GLI2: variants seen among roughly 807,000 people sequenced by gnomAD.
The protein encoded by GLI2 is GLI family zinc finger 2.
In GLI2, 22 loss-of-function variants were observed where a neutral mutation model predicts 78.9. That is an observed-to-expected ratio of 0.28 (90% confidence interval 0.20 to 0.40). The LOEUF (loss-of-function observed/expected upper bound fraction) is 0.40. GLI2 is among the 10% of genes least tolerant of loss of function. The probability of loss-of-function intolerance (pLI) is 1.00; values close to 1 mark genes in which losing one functional copy is unlikely to be tolerated. For synonymous variants in GLI2, 974 were observed against 963.7 expected, an observed-to-expected ratio of 1.01 and a Z score of -0.20; for missense variants, 2,097 against 2,213.2, an observed-to-expected ratio of 0.95 and a Z score of 1.05.
chr2:120,865,632 A>T (rs1688093549), intron 2 of GLI2, among the ~76,000 whole-genome samples: 1 of 152,078 alleles, frequency 6.6e-6, no homozygotes, highest in South Asian at 2.1e-4. Flanking sequence ...ACCGGGACAA[A>T]CCTCTGATCC....
intron 1 of GLI2, among the ~76,000 whole-genome samples, chr2:120,787,077 C>G (rs1347304433): frequency 6.6e-6 from 1 of 152,220 alleles, no homozygotes; most frequent in Non-Finnish European, 1.5e-5. Flanking sequence ...AGATAGGAGC[C>G]TTGACCTTGG....
At chr2:120,985,627 A>G (rs1296642624) in intron 12 of GLI2, among the ~76,000 whole-genome samples, 2 of 152,186 alleles carry the variant, frequency 1.3e-5, no homozygotes, top group African/African-American at 4.8e-5. Context: ...ATGAGCCCAG[A>G]GGTGGTGGTG....
intron 2 of GLI2, among the ~76,000 whole-genome samples, chr2:120,914,147 G>A (rs1045555679): frequency 3.9e-5 from 6 of 152,244 alleles, no homozygotes; most frequent in Admixed American, 6.5e-5. Flanking sequence ...GCTTCTTGCC[G>A]GGGACCAGTC....
intron 3 of GLI2, among the ~76,000 whole-genome samples, chr2:120,946,107 C>G (rs1680699212): frequency 6.6e-6 from 1 of 152,192 alleles, no homozygotes; most frequent in African/African-American, 2.4e-5. Context: ...CTCTGAGAAG[C>G]CTTCCTGCAC....
At chr2:120,773,522 C>T (rs1211588330) in intron 1 of GLI2, among the ~76,000 whole-genome samples, 1 of 152,208 alleles carries the variant, frequency 6.6e-6, no homozygotes, top group Non-Finnish European at 1.5e-5. Flanking sequence ...CATGCCGGCC[C>T]CTGATGCTGT....
chr2:120,991,019 C>G lies in GLI2; in HGVS notation c.*344C>G, dbSNP rs1478545557. 1 of 261,080 alleles carries G rather than the reference C, an allele frequency of 3.8e-6. No individual in the cohort carries two copies. Among genetic ancestry groups the G allele is most frequent in the Non-Finnish European group, 7.3e-6 (1 of 136,718 alleles). The allele number at this position is 261,080 out of a possible 1,614,324, so 16.2% of individuals were successfully genotyped here. ...AACGAGGGATTACTTTGGCCAAAAC[C>G]TTTCAAAGGATATGCAGAAAGATGG... On this transcript the variant is annotated 3_prime_UTR_variant, in exon 14 of 14. Coordinates refer to ENST00000361492, the MANE Select transcript of GLI2 (RefSeq NM_001374353.1).
chr2:120,815,302 G>A (rs548291215), intron 2 of GLI2, among the ~76,000 whole-genome samples: 93 of 152,242 alleles, frequency 6.1e-4, no homozygotes, highest in African/African-American at 2.1e-3. Flanking sequence ...CAGTGAAGCC[G>A]GGGAGAGAAA....
At position 120,988,244 on chromosome 2, in the gene GLI2, G is replaced by T; in HGVS notation, c.2279G>T (p.Gly760Val). The T allele has an allele frequency of 6.3e-7, 1 of 1,577,038 alleles. No individual in the cohort carries two copies. Reference sequence around the variant, plus strand: ...GAAAACTTCAGTGGCAGTGGGGGCGGCGGGCCCGCGGGGCTGCTGCCGAAC... The same window carrying T: ...GAAAACTTCAGTGGCAGTGGGGGCGTCGGGCCCGCGGGGCTGCTGCCGAAC... ...ILENFSGSGG[G>V]GPAGLLPNPR... Residue 760 changes from glycine to valine, a missense_variant, in exon 14 of 14, where the codon GGC (glycine) becomes GTC (valine). By Grantham distance (109) the Gly-to-Val change is moderately radical (BLOSUM62 -3). This residue lies in a region of GLI2 where 1,290 missense variants were observed against 1,261.7 expected (regional missense o/e 1.02). Coordinates refer to ENST00000361492, the MANE Select transcript of GLI2 (RefSeq NM_001374353.1).
chr2:120,955,152 CCTTTTTTT>C lies in GLI2; in HGVS notation c.458-92_458-85del, dbSNP rs1211887008. 6.8e-3 allele frequency: 2,066 copies of C among 303,878 alleles called. 29 individuals are homozygous for C. Among genetic ancestry groups the C allele is most frequent in the Middle Eastern group, 0.013 (15 of 1,130 alleles). 18.8% of individuals were successfully genotyped at this position (303,878 alleles called of 1,614,324 possible). A position where few individuals can be genotyped will look rare whatever the true frequency, so the allele number is the denominator to read the frequency against. On this transcript the variant is annotated intron_variant, in intron 4 of 13. Coordinates refer to ENST00000361492, the MANE Select transcript of GLI2 (RefSeq NM_001374353.1). Reference sequence around the variant, plus strand: ...GACACCAGGTGTGCATTTCTCTCTGCCTTTTTTTTTTTTTTTTTTTTTTTTTTTTGGCA... The same window carrying C: ...GACACCAGGTGTGCATTTCTCTCTGCTTTTTTTTTTTTTTTTTTTTTGGCA...
At chr2:120,943,697 C>A (rs114533914) in intron 3 of GLI2, among the ~76,000 whole-genome samples, 1 of 152,140 alleles carries the variant, frequency 6.6e-6, no homozygotes, top group African/African-American at 2.4e-5. Flanking sequence ...CTGGCCCCAG[C>A]CACCAGCACA....
Position 120,927,442 on chromosome 2 carries a change from C to T in GLI2, c.230C>T (p.Pro77Leu), listed in dbSNP as rs767419996. 3.7e-6 allele frequency: 6 copies of T among 1,613,226 alleles called. No homozygotes were observed. The South Asian group carries it at 6.6e-5, about 18-fold the overall frequency. ...RHQEGRYHYE[P>L]HSVHGVHGPP... ...CAGGAAGGAAGGTACCATTACGAGC[C>T]TCATTCTGTCCACGGTGTGCACGGG... The change falls in exon 3 of 14, where the codon CCT (proline) becomes CTT (leucine). Residue 77 changes from proline to leucine, a missense_variant. Physicochemically the swap from Pro to Leu is moderately conservative, Grantham distance 98. Coordinates refer to ENST00000361492, the MANE Select transcript of GLI2 (RefSeq NM_001374353.1).
intron 2 of GLI2, among the ~76,000 whole-genome samples, chr2:120,810,575 A>G (rs867005702): frequency 1.3e-5 from 2 of 152,246 alleles, no homozygotes; most frequent in Middle Eastern, 6.8e-3. Flanking sequence ...GATATAGAGG[A>G]TGGGCAGGCT....
intron 2 of GLI2, among the ~76,000 whole-genome samples, chr2:120,879,652 G>C (rs184044706): frequency 6.6e-6 from 1 of 152,194 alleles, no homozygotes; most frequent in Non-Finnish European, 1.5e-5. Flanking sequence ...GCCCCACCAC[G>C]GGCTGGATGC....
chr2:120,987,071 G>A (rs1683014743), intron 13 of GLI2, among the ~76,000 whole-genome samples: 2 of 152,254 alleles, frequency 1.3e-5, no homozygotes, highest in African/African-American at 4.8e-5. Context: ...GCTTAGGGTA[G>A]AGCTGTGCAG....
At chr2:120,917,402 G>A (rs950117380) in intron 2 of GLI2, among the ~76,000 whole-genome samples, 14 of 152,222 alleles carry the variant, frequency 9.2e-5, no homozygotes, top group Admixed American at 2.6e-4. Context: ...CCAGGGCCCC[G>A]AGATGGCACA....
At chr2:120,967,791 C>T (rs536653174) in intron 5 of GLI2, among the ~76,000 whole-genome samples, 2 of 152,348 alleles carry the variant, frequency 1.3e-5, no homozygotes, top group South Asian at 2.1e-4. Context: ...GAGCCTCGGG[C>T]GACTTTAGAA....
At chr2:120,811,198 T>C (rs1252244601) in intron 2 of GLI2, among the ~76,000 whole-genome samples, 1 of 152,182 alleles carries the variant, frequency 6.6e-6, no homozygotes, top group African/African-American at 2.4e-5. Flanking sequence ...TGAAGCCAGA[T>C]GGCAGGAGGA....
chr2:120,988,461 G>T lies in GLI2; in HGVS notation c.2496G>T (p.Ala832=), dbSNP rs764746942. Residue 832 remains alanine (A), a synonymous_variant, in exon 14 of 14, where the codon GCG becomes GCT. Coordinates refer to ENST00000361492, the MANE Select transcript of GLI2 (RefSeq NM_001374353.1). ...SPLGAGRPHN[A]SSADSYDPIS... Reference sequence around the variant, plus strand: ...TGGGCGCCGGCCGCCCGCACAACGCGAGCTCCGCTGACTCCTACGACCCCA... The same window carrying T: ...TGGGCGCCGGCCGCCCGCACAACGCTAGCTCCGCTGACTCCTACGACCCCA... 3 of 1,565,298 alleles carry T rather than the reference G, an allele frequency of 1.9e-6. No individual in the cohort carries two copies. Among genetic ancestry groups the T allele is most frequent in the South Asian group, 2.3e-5 (2 of 86,452 alleles).
chr2:120,879,485 A>G (rs1371595107), intron 2 of GLI2, among the ~76,000 whole-genome samples: 1 of 152,184 alleles, frequency 6.6e-6, no homozygotes, highest in Admixed American at 6.5e-5. Context: ...ATAACCTGAG[A>G]TCAGTGCAGT....
Sources: gnomAD v4.1 joint callset for allele counts (sites outside exome capture counted in the v4.1 genomes callset) on GRCh38, gnomAD v4.1.1 for gene constraint, gnomAD v4.1.1 regional missense constraint, MANE v1.5 for transcripts, NCBI Gene and HGNC (gene_info 2026-07-23, HGNC 2026-07-21) for gene names.